Variants in CREG2 observed in about 807,000 individuals in gnomAD.
CREG2 encodes cellular repressor of E1A stimulated genes 2.
Under a neutral mutation model 26.2 loss-of-function variants are expected in CREG2, and 24 were observed. The observed-to-expected ratio is 0.92, with a 90% CI of 0.66 to 1.29. The LOEUF is 1.29. Ranked by LOEUF, CREG2 falls within the 50% of genes most tolerant of loss-of-function variation. The pLI is 0.00. For synonymous variants in CREG2, 174 were observed against 169.2 expected (o/e 1.03, Z -0.22); for missense variants, 366 against 398.6 (o/e 0.92, Z 0.70).
At chr2:101,381,268 G>C (rs1219854510) in intron 2 of CREG2, among the ~76,000 whole-genome samples, 1 of 152,174 alleles carries the variant, frequency 6.6e-6, no homozygotes, top group Non-Finnish European at 1.5e-5. Context: ...ACTTCTACCA[G>C]ATACCTCGCT....
chr2:101,364,916 C>T (rs954213187), intron 2 of CREG2, among the ~76,000 whole-genome samples: 10 of 152,070 alleles, frequency 6.6e-5, no homozygotes, highest in Non-Finnish European at 1.0e-4. Context: ...GTGGGAGGAT[C>T]GTGATGGGGG....
At chr2:101,377,686 A>G (rs1049089131) in intron 2 of CREG2, among the ~76,000 whole-genome samples, 3 of 152,172 alleles carry the variant, frequency 2.0e-5, no homozygotes, top group African/African-American at 7.2e-5. Context: ...GTTATTCTCC[A>G]TTTGCCATTT....
intron 2 of CREG2, chr2:101,382,571 T>A (rs527324004): frequency 2.0e-6 from 2 of 985,266 alleles, no homozygotes; most frequent in Non-Finnish European, 2.4e-6. Flanking sequence ...TGCTGTAACC[T>A]GGTGGGGAAC....
At chr2:101,368,114 C>T (rs1194479855) in intron 2 of CREG2, among the ~76,000 whole-genome samples, 1 of 152,096 alleles carries the variant, frequency 6.6e-6, no homozygotes, top group Non-Finnish European at 1.5e-5. Context: ...TAGTGAAACC[C>T]CGTCTCTATT....
At chr2:101,351,597 T>C (rs1684382197) in intron 3 of CREG2, among the ~76,000 whole-genome samples, 1 of 152,130 alleles carries the variant, frequency 6.6e-6, no homozygotes, top group Non-Finnish European at 1.5e-5. Context: ...TTTCCAGTCG[T>C]GCAGCAGGCT....
rs972159158 is a variant in CREG2 at position 101,387,012 on chromosome 2, C to G, written c.441+5G>C. The G allele has an allele frequency of 2.3e-5, 28 of 1,232,616 alleles. No homozygotes were observed. The highest frequency in any genetic ancestry group is 2.8e-5 in the Non-Finnish European group (28 of 988,938). The allele number at this position is 1,232,616 out of a possible 1,614,324, so 76.4% of individuals were successfully genotyped here. ...GCCCCCTCGCGCTCCCCGCCGGGCG[C>G]TCACCTTCTTGTGGGTGGACACGGT... is the stretch of plus-strand genomic sequence containing the variant. On this transcript the variant is annotated splice_donor_5th_base_variant and intron_variant, in intron 1 of 3. Transcript: ENST00000324768. The surrounding 1 kb of genome is among the most constrained non-coding windows in gnomAD (Gnocchi z 4.7).
At chr2:101,375,627 C>G in intron 2 of CREG2, 1 of 196,662 alleles carries the variant, frequency 5.1e-6, no homozygotes, top group African/African-American at 2.3e-5. Context: ...CCCAGGAGGC[C>G]GAGCTCTGCT....
At chr2:101,377,370 C>T (rs1233717046) in intron 2 of CREG2, among the ~76,000 whole-genome samples, 1 of 152,152 alleles carries the variant, frequency 6.6e-6, no homozygotes, top group Non-Finnish European at 1.5e-5. Context: ...GAGAATATCA[C>T]CCCACAGACG....
intron 2 of CREG2, among the ~76,000 whole-genome samples, chr2:101,357,442 G>A (rs896169747): frequency 2.0e-5 from 3 of 152,196 alleles, no homozygotes; most frequent in Admixed American, 6.5e-5. Context: ...CTGGCTTCAT[G>A]TAAATCCACA....
intron 2 of CREG2, among the ~76,000 whole-genome samples, chr2:101,373,203 A>G (rs1684738541): frequency 6.6e-6 from 1 of 152,244 alleles, no homozygotes; most frequent in Admixed American, 6.5e-5. Flanking sequence ...CATGGAAACA[A>G]ATGTTCATCA....
At chr2:101,354,349 C>G (rs950826729) in intron 3 of CREG2, among the ~76,000 whole-genome samples, 1 of 152,224 alleles carries the variant, frequency 6.6e-6, no homozygotes, top group Non-Finnish European at 1.5e-5. Context: ...GCCATGAGCT[C>G]ATGTGAACAT....
At chr2:101,386,485 T>G (rs1329793749) in intron 1 of CREG2, among the ~76,000 whole-genome samples, 1 of 152,256 alleles carries the variant, frequency 6.6e-6, no homozygotes, top group Non-Finnish European at 1.5e-5. Flanking sequence ...ATTTACACAC[T>G]TTGCATAATA....
At position 101,346,559 on chromosome 2, in the gene CREG2, T is replaced by C. The variant is rs1684309629; in HGVS notation, c.*4364A>G. On this transcript the variant is annotated 3_prime_UTR_variant, in exon 4 of 4. Coordinates refer to ENST00000324768, the MANE Select transcript of CREG2 (RefSeq NM_153836.4). ...ATTAAATTGAACATATTTAGGAAAA[T>C]TTTAAAGAATTTTACACCTCTTCTG... The C allele has an allele frequency of 6.6e-6, 1 of 152,178 alleles. No homozygotes were observed. The highest frequency in any genetic ancestry group is 2.1e-4 in the South Asian group (1 of 4,834). 9.4% of individuals were successfully genotyped at this position (152,178 alleles called of 1,614,324 possible). A position where few individuals can be genotyped will look rare whatever the true frequency, so the allele number is the denominator to read the frequency against.
At chr2:101,370,162 A>G (rs1259699770) in intron 2 of CREG2, among the ~76,000 whole-genome samples, 1 of 152,150 alleles carries the variant, frequency 6.6e-6, no homozygotes, top group East Asian at 1.9e-4. Context: ...AAAGGTGCTA[A>G]CAAGTGTACC....
At chr2:101,380,446 C>T (rs186556767) in intron 2 of CREG2, among the ~76,000 whole-genome samples, 15 of 152,340 alleles carry the variant, frequency 9.8e-5, no homozygotes, top group African/African-American at 1.2e-4. Flanking sequence ...AGGAAACGGC[C>T]GCGAAGGCAC....
intron 2 of CREG2, 122 bp downstream of exon 2, chr2:101,383,411 G>A (rs1684909847): frequency 1.2e-6 from 1 of 866,086 alleles, no homozygotes; most frequent in Admixed American, 2.6e-5. Context: ...GATTTCAAGG[G>A]TGAACATCAA....
rs1684424859 is a variant in CREG2 at position 101,354,430 on chromosome 2, C to CT, written c.725+822dup. Among the ~76,000 whole-genome samples the CT allele has an allele frequency of 3.3e-5, 5 of 152,322 alleles. No individual in the cohort carries two copies. The South Asian group carries it at 1.0e-3, about 32-fold the overall frequency. On this transcript the variant is annotated intron_variant, in intron 3 of 3. Coordinates refer to ENST00000324768, the MANE Select transcript of CREG2 (RefSeq NM_153836.4). ...CTTTTCTGTGTCCTTACAAGGCTTG[C>CT]TTATTCACTGCATCCCTGCGTGCAG...
chr2:101,387,271 G>C lies in CREG2; in HGVS notation c.187C>G (p.Leu63Val). 6.8e-7 allele frequency: 1 copy of C among 1,477,396 alleles called. No individual in the cohort carries two copies. The highest frequency in any genetic ancestry group is 9.0e-7 in the Non-Finnish European group (1 of 1,106,072). The allele number at this position is 1,477,396 out of a possible 1,614,324, so 91.5% of individuals were successfully genotyped here. The change falls in exon 1 of 4, where the codon CTA (leucine) becomes GTA (valine). Residue 63 changes from leucine to valine, a missense_variant. Transcript: ENST00000324768. The surrounding 1 kb of genome is among the most constrained non-coding windows in gnomAD (Gnocchi z 4.7). The stretch of plus-strand genomic sequence containing the variant: ...TGCCAGATGCTGCCCGAATCCTCTA[G>C]CAGCGCGGGCATAGCCTCCTCAGTG... Reference protein sequence around the residue: ...ASTEEAMPALLEDSGSIWQQS... With the variant: ...ASTEEAMPALVEDSGSIWQQS...
rs114777150 is a variant in CREG2 at position 101,360,314 on chromosome 2, T to A, written c.612-4948A>T. Among the ~76,000 whole-genome samples, 660 of 152,242 alleles carry A rather than the reference T, an allele frequency of 4.3e-3. 7 individuals are homozygous for A. Among genetic ancestry groups the A allele is most frequent in the African/African-American group, 0.014 (600 of 41,546 alleles). ...CTTCAGGAAAATAGCCACAGATAGG[T>A]CTGTGGCTTGCGTGTTCCTGGACAT... On this transcript the variant is annotated intron_variant, in intron 2 of 3. Coordinates refer to ENST00000324768, the MANE Select transcript of CREG2 (RefSeq NM_153836.4).
Sources: gnomAD v4.1 joint callset for allele counts (sites outside exome capture counted in the v4.1 genomes callset) on GRCh38, gnomAD v4.1.1 for gene constraint, Gnocchi (gnomAD v3.1) non-coding constraint, MANE v1.5 for transcripts, NCBI Gene and HGNC (gene_info 2026-07-23, HGNC 2026-07-21) for gene names.